Variants in PCDHA4 observed in about 807,000 individuals in gnomAD.
PCDHA4 encodes the protein protocadherin alpha 4.
Under a neutral mutation model 61.4 loss-of-function variants are expected in PCDHA4, and 49 were observed. The observed-to-expected ratio is 0.80, with a 90% CI of 0.63 to 1.01. The LOEUF (loss-of-function observed/expected upper bound fraction) is 1.01, where lower values mean the gene tolerates loss of function less well. Among genes scored for constraint, PCDHA4 ranks in the 50% least tolerant of loss-of-function variants. The pLI is 0.00. For missense variants in PCDHA4, 1,254 were observed against 1,235.8 expected (o/e 1.01, Z -0.22); for synonymous variants, 590 against 550.3 (o/e 1.07, Z -1.01).
chr5:140,927,499 C>G (rs781977423), intron 1 of PCDHA4: 1 of 1,614,136 alleles, frequency 6.2e-7, no homozygotes, highest in Admixed American at 1.7e-5. Context: ...CCTGCTGGTG[C>G]TTACAGCTCG....
chr5:140,984,325 G>C (rs2097097043), intron 3 of PCDHA4, among the ~76,000 whole-genome samples: 1 of 152,168 alleles, frequency 6.6e-6, no homozygotes, highest in Admixed American at 6.5e-5. Flanking sequence ...CTAGGCAAAT[G>C]TGGAATAGGA....
At chr5:140,842,090 A>G in intron 1 of PCDHA4, 1 of 1,613,904 alleles carries the variant, frequency 6.2e-7, no homozygotes, top group Non-Finnish European at 8.5e-7. Flanking sequence ...AAACGCAGAC[A>G]ACGGAACAAC....
At position 140,829,501 on chromosome 5, in the gene PCDHA4, G is replaced by C. The variant is rs2150169011; in HGVS notation, c.2385+19929G>C. 1.4e-5 allele frequency: 23 copies of C among 1,613,442 alleles called. No individual in the cohort carries two copies. The East Asian group carries it at 2.2e-4, about 16-fold the overall frequency. ...TGTTCGTGAAGGAGAACAACCCGCC[G>C]GGCTGCCACATCTTCACGGTGTCTG... On this transcript the variant is annotated intron_variant, in intron 1 of 3. Transcript: ENST00000530339.
chr5:140,976,374 A>G (rs1163913998), intron 1 of PCDHA4, among the ~76,000 whole-genome samples: 2 of 152,040 alleles, frequency 1.3e-5, no homozygotes, highest in Non-Finnish European at 2.9e-5. Context: ...AACATGGTGA[A>G]ACCCCATCTC....
At chr5:140,957,130 A>C in intron 1 of PCDHA4, among the ~76,000 whole-genome samples, 1 of 152,188 alleles carries the variant, frequency 6.6e-6, no homozygotes, top group Middle Eastern at 3.2e-3. Flanking sequence ...TCTTTACTAC[A>C]CTATGAACTA....
rs782590821 is a variant in PCDHA4 at position 140,929,251 on chromosome 5, G to T, written c.2386-49698G>T. On this transcript the variant is annotated intron_variant, in intron 1 of 3. Transcript: ENST00000530339. ...CGACCTGCGAAATCTTGCCACTGGG[G>T]TAGGACTGAATTTGCCAATATCCTG... The T allele has an allele frequency of 3.1e-6, 5 of 1,613,416 alleles. No homozygotes were observed. Among genetic ancestry groups the T allele is most frequent in the African/African-American group, 1.3e-5 (1 of 74,908 alleles).
intron 1 of PCDHA4, chr5:140,877,747 T>C (rs1554170075): frequency 1.2e-6 from 2 of 1,614,172 alleles, no homozygotes; most frequent in Non-Finnish European, 8.5e-7. Context: ...GCAGAGGGTG[T>C]GCTCTGCAGA....
intron 1 of PCDHA4, chr5:140,870,913 G>C (rs933995054): frequency 2.5e-6 from 4 of 1,613,936 alleles, no homozygotes; most frequent in Non-Finnish European, 3.4e-6. Context: ...AGGCTACAAC[G>C]CGTGGCTTTC....
rs2150114188 is a variant in PCDHA4, at chr5:140,822,162, G to T, written c.2385+12590G>T. The T allele has an allele frequency of 7.4e-6, 12 of 1,614,112 alleles. No individual in the cohort carries two copies. In the East Asian group the frequency reaches 2.4e-4, roughly 33 times the overall value. On this transcript the variant is annotated intron_variant, in intron 1 of 3. Coordinates refer to ENST00000530339, the MANE Select transcript of PCDHA4 (RefSeq NM_018907.4). ...CAGTGAAGGACATCAATGACAATCC[G>T]CCCAGGTTCTCCAGACAAGAACAAA... is the stretch of plus-strand genomic sequence containing the variant.
chr5:141,007,671 A>G (rs1161141271), intron 3 of PCDHA4, among the ~76,000 whole-genome samples: 1 of 152,184 alleles, frequency 6.6e-6, no homozygotes, highest in African/African-American at 2.4e-5. Context: ...TTACAAAGAC[A>G]AAAGTTATCC....
At chr5:140,900,489 C>G (rs1429058590) in intron 1 of PCDHA4, among the ~76,000 whole-genome samples, 8 of 152,196 alleles carry the variant, frequency 5.3e-5, no homozygotes, top group African/African-American at 1.7e-4. Context: ...GTTGGTCAGA[C>G]TGGTCTCAAA....
intron 1 of PCDHA4, among the ~76,000 whole-genome samples, chr5:140,919,585 G>A (rs2079204849): frequency 6.6e-6 from 1 of 151,898 alleles, no homozygotes; most frequent in African/African-American, 2.4e-5. Flanking sequence ...ATGTAACATG[G>A]TAATTTTTAA....
At chr5:140,823,386 C>T in intron 1 of PCDHA4, 1 of 1,612,766 alleles carries the variant, frequency 6.2e-7, no homozygotes, top group Non-Finnish European at 8.5e-7. Context: ...TGAGCGCGCG[C>T]GACGCGGGCG....
At chr5:141,002,503 A>G (rs924059580) in intron 3 of PCDHA4, among the ~76,000 whole-genome samples, 1 of 152,226 alleles carries the variant, frequency 6.6e-6, no homozygotes, top group African/African-American at 2.4e-5. Flanking sequence ...ACAGCTCAGG[A>G]TCTGAGTCTC....
intron 1 of PCDHA4, among the ~76,000 whole-genome samples, chr5:140,974,807 A>T (rs2096641510): frequency 6.6e-6 from 1 of 152,202 alleles, no homozygotes; most frequent in Admixed American, 6.5e-5. Context: ...ATATACTAGA[A>T]GACCAATATG....
At chr5:140,828,010 G>A in intron 1 of PCDHA4, 1 of 1,506,714 alleles carries the variant, frequency 6.6e-7, no homozygotes, top group Non-Finnish European at 8.9e-7. Context: ...CAGAAGAAAT[G>A]GATTAATAAA....
rs2150125758 is a variant in PCDHA4 at position 140,823,426 on chromosome 5, C to A, written c.2385+13854C>A. 13 of 1,613,328 alleles carry A rather than the reference C, an allele frequency of 8.1e-6. No individual in the cohort carries two copies. The East Asian group carries it at 8.9e-5, about 11-fold the overall frequency. On this transcript the variant is annotated intron_variant, in intron 1 of 3. Coordinates refer to ENST00000530339, the MANE Select transcript of PCDHA4 (RefSeq NM_018907.4). Reference sequence around the variant, plus strand: ...GCCTCTGGGCAGCAACGTGACGCTGCAGGTGTTCGTGCTGGACGAGAACGA... The same window carrying A: ...GCCTCTGGGCAGCAACGTGACGCTGAAGGTGTTCGTGCTGGACGAGAACGA...
Position 140,809,297 on chromosome 5 carries a change from A to T in PCDHA4, c.2110A>T (p.Ile704Phe). Reference protein sequence around the residue: ...VDVNVYLIIAICAVSSLLVLT... With the variant: ...VDVNVYLIIAFCAVSSLLVLT... ...TGTCAACGTATACCTGATCATTGCC[A>T]TCTGCGCGGTGTCCAGCCTTTTGGT... Residue 704 changes from isoleucine (I) to phenylalanine (F), a missense_variant, in exon 1 of 4, where the codon ATC becomes TTC. Ile to Phe is a conservative substitution (Grantham distance 21). Transcript: ENST00000530339. The T allele has an allele frequency of 6.2e-7, 1 of 1,614,102 alleles. No individual in the cohort carries two copies. Among genetic ancestry groups the T allele is most frequent in the Non-Finnish European group, 8.5e-7 (1 of 1,179,948 alleles).
At chr5:141,000,095 T>G (rs1299354306) in intron 3 of PCDHA4, among the ~76,000 whole-genome samples, 1 of 152,044 alleles carries the variant, frequency 6.6e-6, no homozygotes, top group Non-Finnish European at 1.5e-5. Flanking sequence ...TGAATGGAGC[T>G]CAACTCCGTC....
Sources: gnomAD v4.1 joint callset for allele counts (sites outside exome capture counted in the v4.1 genomes callset) on GRCh38, gnomAD v4.1.1 for gene constraint, MANE v1.5 for transcripts, NCBI Gene and HGNC (gene_info 2026-07-23, HGNC 2026-07-21) for gene names.